The following PIP5K1B variants were observed in gnomAD, a reference collection of about 807,000 sequenced individuals.
PIP5K1B encodes the protein phosphatidylinositol 4-phosphate 5-kinase type-1 beta.
PIP5K1B carries 42 observed loss-of-function variants against 67.0 expected under a neutral mutation model. That is an observed-to-expected ratio of 0.63 (90% CI 0.49 to 0.81). PIP5K1B has a LOEUF of 0.81. Ranked by LOEUF, PIP5K1B falls within the 30% of genes least tolerant of loss-of-function variation. The pLI is 0.00. For missense variants in PIP5K1B, 459 were observed against 646.3 expected (o/e 0.71, Z 3.14); for synonymous variants, 214 against 231.4 (o/e 0.92, Z 0.68).
intron 4 of PIP5K1B, among the ~76,000 whole-genome samples, chr9:68,857,948 T>C (rs1822865795): frequency 7.0e-6 from 1 of 143,514 alleles, no homozygotes; most frequent in Non-Finnish European, 1.5e-5. Flanking sequence ...TAAGAATTAC[T>C]CTCTTGCTGT....
At chr9:68,868,300 T>G (rs1444114341) in intron 5 of PIP5K1B, among the ~76,000 whole-genome samples, 1 of 152,190 alleles carries the variant, frequency 6.6e-6, no homozygotes, top group African/African-American at 2.4e-5. Context: ...AACAAGGACC[T>G]AAGGTGGCAA....
chr9:68,817,814 C>T (rs1587498513), intron 2 of PIP5K1B, among the ~76,000 whole-genome samples: 1 of 151,488 alleles, frequency 6.6e-6, no homozygotes, highest in Admixed American at 6.6e-5. Flanking sequence ...CCTTAGCCTC[C>T]CAAAGTGCTA....
intron 1 of PIP5K1B, among the ~76,000 whole-genome samples, chr9:68,727,869 A>G (rs1828232017): frequency 1.3e-5 from 2 of 152,130 alleles, no homozygotes; most frequent in South Asian, 4.1e-4. Context: ...TCCTAATTAA[A>G]CTTGGCTTGT....
chr9:68,888,865 C>G (rs958129244), intron 6 of PIP5K1B, 116 bp from the exon 7 acceptor site: 1 of 676,566 alleles, frequency 1.5e-6, no homozygotes, highest in South Asian at 2.3e-5. Flanking sequence ...TTTTAAAGCC[C>G]GTAGAGAGGC....
At chr9:68,786,226 C>A (rs7864097) in intron 2 of PIP5K1B, 1 of 151,948 alleles carries the variant, frequency 6.6e-6, no homozygotes, top group South Asian at 2.1e-4. Context: ...GGCCTGATAA[C>A]GTGAGTTTTT....
At chr9:68,740,884 T>G (rs547088873) in intron 1 of PIP5K1B, among the ~76,000 whole-genome samples, 1 of 152,214 alleles carries the variant, frequency 6.6e-6, no homozygotes, top group Non-Finnish European at 1.5e-5. Flanking sequence ...GTTGGAAGAC[T>G]TCAGGCTCAG....
intron 4 of PIP5K1B, among the ~76,000 whole-genome samples, chr9:68,836,533 A>C (rs1834617231): frequency 6.6e-6 from 1 of 152,122 alleles, no homozygotes; most frequent in South Asian, 2.1e-4. Context: ...GGGTATGCCA[A>C]CTCAAGCTGC....
chr9:68,889,034 A>G lies in PIP5K1B; in HGVS notation c.372A>G (p.Gly124=). 6.2e-7 allele frequency: 1 copy of G among 1,612,458 alleles called. No homozygotes were observed. The highest frequency in any genetic ancestry group is 8.5e-7 in the Non-Finnish European group (1 of 1,178,452). Residue 124 remains glycine, a synonymous_variant, in exon 7 of 16, where the codon GGA becomes GGG. Coordinates refer to ENST00000265382, the MANE Select transcript of PIP5K1B (RefSeq NM_003558.4). ...LIELSNPGAS[G]SLFFVTSDDE... is the part of the protein sequence containing the mutation. The stretch of plus-strand genomic sequence containing the variant: ...AACTGTCTAACCCTGGAGCCAGTGG[A>G]TCCTTGTTTTTTGTGACCAGTGATG...
intron 2 of PIP5K1B, among the ~76,000 whole-genome samples, chr9:68,749,035 G>C (rs1009996107): frequency 2.6e-5 from 4 of 152,116 alleles, no homozygotes; most frequent in Admixed American, 2.0e-4. Flanking sequence ...ATTTGTCCTT[G>C]GGCACATGAC....
intron 2 of PIP5K1B, among the ~76,000 whole-genome samples, chr9:68,753,830 T>A (rs1430038631): frequency 1.3e-5 from 2 of 151,670 alleles, no homozygotes; most frequent in Non-Finnish European, 2.9e-5. Context: ...AGCCTAATTT[T>A]TGTATTTTTA....
intron 4 of PIP5K1B, among the ~76,000 whole-genome samples, chr9:68,857,839 C>CA (rs142262932): frequency 0.031 from 4,707 of 152,212 alleles, 121 homozygotes; most frequent in Non-Finnish European, 0.049. Flanking sequence ...TGCACTCCAG[C>CA]ATATGTTGTA....
intron 1 of PIP5K1B, among the ~76,000 whole-genome samples, chr9:68,706,995 T>C (rs1482675692): frequency 6.6e-6 from 1 of 152,168 alleles, no homozygotes; most frequent in African/African-American, 2.4e-5. Context: ...TAGGGTAGTG[T>C]TCATGGAAGC....
At chr9:68,778,629 GA>G (rs1176408411) in intron 2 of PIP5K1B, among the ~76,000 whole-genome samples, 1 of 152,160 alleles carries the variant, frequency 6.6e-6, no homozygotes, top group African/African-American at 2.4e-5. Flanking sequence ...CATAGGTCCT[GA>G]ATTCATCCTT....
intron 4 of PIP5K1B, among the ~76,000 whole-genome samples, chr9:68,825,795 A>G (rs1205572621): frequency 6.6e-6 from 1 of 152,204 alleles, no homozygotes; most frequent in Non-Finnish European, 1.5e-5. Context: ...AGGAGTTCAA[A>G]AGGGAAGAAA....
At chr9:68,980,230 G>A (rs28502015) in intron 14 of PIP5K1B, among the ~76,000 whole-genome samples, 268 of 152,308 alleles carry the variant, frequency 1.8e-3, no homozygotes, top group African/African-American at 6.2e-3. Context: ...TTTCCCAGTG[G>A]GGCACAAGGT....
At chr9:68,957,738 G>A (rs975639378) in intron 14 of PIP5K1B, among the ~76,000 whole-genome samples, 3 of 152,212 alleles carry the variant, frequency 2.0e-5, no homozygotes, top group African/African-American at 7.2e-5. Context: ...CAGTTATAGG[G>A]AGGGCACCTC....
chr9:68,900,969 G>A (rs1170373000), intron 8 of PIP5K1B, among the ~76,000 whole-genome samples: 1 of 152,126 alleles, frequency 6.6e-6, no homozygotes, highest in African/African-American at 2.4e-5. Context: ...TTAACATTAT[G>A]GCTATTGCTT....
chr9:68,820,475 T>C (rs1199285046), intron 3 of PIP5K1B, among the ~76,000 whole-genome samples: 1 of 152,116 alleles, frequency 6.6e-6, no homozygotes, highest in Admixed American at 6.5e-5. Flanking sequence ...TCTAGTGAGG[T>C]TGGCTCACCG....
intron 11 of PIP5K1B, among the ~76,000 whole-genome samples, chr9:68,923,098 CTT>C (rs749867765): frequency 3.3e-5 from 5 of 152,146 alleles, no homozygotes; most frequent in Non-Finnish European, 2.9e-5. Context: ...TGTCTAGAAT[CTT>C]TGTTCCGATT....
Sources: gnomAD v4.1 joint callset for allele counts (sites outside exome capture counted in the v4.1 genomes callset) on GRCh38, gnomAD v4.1.1 for gene constraint, MANE v1.5 for transcripts, NCBI Gene and HGNC (gene_info 2026-07-23, HGNC 2026-07-21) for gene names.